Variants in GRM7 observed in about 807,000 individuals in gnomAD.
GRM7 encodes metabotropic glutamate receptor 7.
Under a neutral mutation model 84.5 loss-of-function variants are expected in GRM7, and 35 were observed. That is an observed-to-expected ratio of 0.41 (90% CI 0.32 to 0.55). The LOEUF is 0.55. Ranked by LOEUF, GRM7 falls within the 20% of genes least tolerant of loss-of-function variation. GRM7 has a pLI of 0.19. For missense variants in GRM7, 1,003 were observed against 1,194.6 expected (o/e 0.84, Z 2.36); for synonymous variants, 487 against 455.1 (o/e 1.07, Z -0.89).
At chr3:6,929,053 G>A (rs1697405424) in intron 1 of GRM7, among the ~76,000 whole-genome samples, 1 of 152,164 alleles carries the variant, frequency 6.6e-6, no homozygotes, top group Admixed American at 6.5e-5. Context: ...GAAAAGGACA[G>A]TAATATCTGT....
intron 4 of GRM7, among the ~76,000 whole-genome samples, chr3:7,342,043 T>C (rs1692663296): frequency 6.6e-6 from 1 of 152,128 alleles, no homozygotes; most frequent in African/African-American, 2.4e-5. Context: ...TTCACGAGTA[T>C]AGGATGTAAC....
rs138121565 is a variant in GRM7, at chr3:6,919,008, C to T, written c.519+57101C>T. Reference sequence around the variant, plus strand: ...TTGTAAACAAAATCAATCTTTATGGCCCCGCTGCATAGCAAGTGATCACAG... The same window carrying T: ...TTGTAAACAAAATCAATCTTTATGGTCCCGCTGCATAGCAAGTGATCACAG... On this transcript the variant is annotated intron_variant, in intron 1 of 9. Coordinates refer to ENST00000357716, the MANE Select transcript of GRM7 (RefSeq NM_000844.4). Among the ~76,000 whole-genome samples the T allele has an allele frequency of 3.9e-3, 592 of 152,202 alleles. 4 individuals carry two copies. The highest frequency in any genetic ancestry group is 0.014 in the African/African-American group (567 of 41,544).
At chr3:7,469,209 C>T (rs897231236) in intron 7 of GRM7, among the ~76,000 whole-genome samples, 1 of 152,160 alleles carries the variant, frequency 6.6e-6, no homozygotes, top group Non-Finnish European at 1.5e-5. Flanking sequence ...AGGATGCAAC[C>T]AGACTTCTAC....
intron 7 of GRM7, among the ~76,000 whole-genome samples, chr3:7,532,234 C>A (rs1447922814): frequency 6.6e-6 from 1 of 152,122 alleles, no homozygotes; most frequent in Non-Finnish European, 1.5e-5. Context: ...ATTAATTCGG[C>A]TGTGAATCCG....
chr3:7,464,827 CA>C (rs71307749), intron 7 of GRM7, among the ~76,000 whole-genome samples: 934 of 85,786 alleles, frequency 0.011, 4 homozygotes, highest in African/African-American at 0.023. Flanking sequence ...GACTCTGTCT[CA>C]AAAAAAAAAA....
intron 1 of GRM7, among the ~76,000 whole-genome samples, chr3:7,016,932 T>C (rs937349774): frequency 2.0e-5 from 3 of 152,274 alleles, no homozygotes; most frequent in Middle Eastern, 3.4e-3. Context: ...GCTCCTTAAC[T>C]TGTTGTTTGG....
At chr3:7,487,795 A>G (rs946664897) in intron 7 of GRM7, among the ~76,000 whole-genome samples, 3 of 152,326 alleles carry the variant, frequency 2.0e-5, no homozygotes, top group East Asian at 3.9e-4. Flanking sequence ...CACTAAAACA[A>G]TGCTGAATGG....
chr3:7,304,581 A>G (rs941093801), intron 3 of GRM7, among the ~76,000 whole-genome samples: 6 of 151,910 alleles, frequency 3.9e-5, no homozygotes, highest in Non-Finnish European at 7.4e-5. Context: ...TCTAAATGTT[A>G]GCTGGATATA....
chr3:7,221,254 GT>G (rs1356816741), intron 2 of GRM7, among the ~76,000 whole-genome samples: 1 of 152,022 alleles, frequency 6.6e-6, no homozygotes, highest in Non-Finnish European at 1.5e-5. Context: ...TAAACATTTG[GT>G]TTTTTGCTAC....
At chr3:7,554,119 G>T (rs950745076) in intron 7 of GRM7, among the ~76,000 whole-genome samples, 1 of 152,166 alleles carries the variant, frequency 6.6e-6, no homozygotes, top group Admixed American at 6.5e-5. Flanking sequence ...GCTAGATCCA[G>T]AAACATAATT....
intron 1 of GRM7, among the ~76,000 whole-genome samples, chr3:6,973,618 A>G (rs1457173801): frequency 6.6e-6 from 1 of 152,210 alleles, no homozygotes; most frequent in African/African-American, 2.4e-5. Context: ...TGATAGAGTG[A>G]TATTTTGGTG....
At chr3:7,044,562 A>G (rs1427170805) in intron 1 of GRM7, among the ~76,000 whole-genome samples, 2 of 152,224 alleles carry the variant, frequency 1.3e-5, no homozygotes, top group Non-Finnish European at 2.9e-5. Context: ...AATAGAAAAG[A>G]AAGCCGCAGT....
At chr3:7,344,319 C>T (rs113285011) in intron 4 of GRM7, among the ~76,000 whole-genome samples, 6,331 of 152,116 alleles carry the variant, frequency 0.042, 291 homozygotes, top group African/African-American at 0.12. Context: ...TGTTTAGTTC[C>T]AACTTATAAG....
At chr3:7,320,469 G>C (rs1359098056) in intron 4 of GRM7, among the ~76,000 whole-genome samples, 1 of 151,988 alleles carries the variant, frequency 6.6e-6, no homozygotes, top group Non-Finnish European at 1.5e-5. Context: ...TGTTTGTTCA[G>C]ACTCTTCTCT....
At chr3:7,347,389 C>T (rs1442793500) in intron 4 of GRM7, among the ~76,000 whole-genome samples, 4 of 152,110 alleles carry the variant, frequency 2.6e-5, no homozygotes, top group African/African-American at 4.8e-5. Flanking sequence ...ATCCACTTTC[C>T]GAATGCTTTA....
At chr3:7,606,971 T>C (rs1696605864) in intron 8 of GRM7, 1 of 152,206 alleles carries the variant, frequency 6.6e-6, no homozygotes. Flanking sequence ...GATGAAGATA[T>C]TAGTCAGTAA....
At chr3:7,389,637 T>C (rs1006357613) in intron 4 of GRM7, among the ~76,000 whole-genome samples, 1 of 152,112 alleles carries the variant, frequency 6.6e-6, no homozygotes, top group Non-Finnish European at 1.5e-5. Context: ...TTTTCTGTTA[T>C]TGGTTTAAAG....
At chr3:6,869,772 G>T (rs1291304789) in intron 1 of GRM7, among the ~76,000 whole-genome samples, 1 of 152,142 alleles carries the variant, frequency 6.6e-6, no homozygotes, top group African/African-American at 2.4e-5. Flanking sequence ...GAATTCCATG[G>T]ACTTAAGATA....
chr3:7,500,327 G>A (rs1699844788), intron 7 of GRM7, among the ~76,000 whole-genome samples: 1 of 152,192 alleles, frequency 6.6e-6, no homozygotes, highest in African/African-American at 2.4e-5. Flanking sequence ...TGTTTGAGAT[G>A]TATTAGAGGT....
Sources: allele counts gnomAD v4.1 joint callset (sites outside exome capture counted in the v4.1 genomes callset), GRCh38; gene constraint gnomAD v4.1.1; transcripts MANE v1.5; gene names NCBI Gene and HGNC (gene_info 2026-07-23, HGNC 2026-07-21).